DYNC1I2: variants seen among roughly 807,000 people sequenced by gnomAD.
The protein encoded by DYNC1I2 is dynein cytoplasmic 1 intermediate chain 2.
DYNC1I2 carries 53 observed loss-of-function variants against 88.6 expected under a neutral mutation model. That is an observed-to-expected ratio of 0.60 (90% CI 0.48 to 0.75). DYNC1I2 has a LOEUF of 0.75. Among genes scored for constraint, DYNC1I2 ranks in the 30% least tolerant of loss-of-function variants. The probability of loss-of-function intolerance (pLI) is 0.00; values close to 1 mark genes in which losing one functional copy is unlikely to be tolerated. For missense variants in DYNC1I2, 458 were observed against 766.6 expected, an observed-to-expected ratio of 0.60 and a Z score of 4.75; for synonymous variants, 198 against 254.6, an observed-to-expected ratio of 0.78 and a Z score of 2.12.
At chr2:171,729,165 T>A (rs1688443835) in intron 14 of DYNC1I2, among the ~76,000 whole-genome samples, 1 of 152,174 alleles carries the variant, frequency 6.6e-6, no homozygotes, top group South Asian at 2.1e-4. Context: ...GACTTATAAA[T>A]GAGATTTTCA....
Position 171,692,909 on chromosome 2 carries a change from A to G in DYNC1I2, c.226+15A>G. Reference sequence around the variant, plus strand: ...ATCCCCCATTGGTAAGGTTAAGAATATATCCATTTATAAGAGATAGGCATA... The same window carrying G: ...ATCCCCCATTGGTAAGGTTAAGAATGTATCCATTTATAAGAGATAGGCATA... On this transcript the variant is annotated intron_variant, in intron 3 of 17. Transcript: ENST00000397119. The G allele has an allele frequency of 2.6e-6, 4 of 1,531,418 alleles. No homozygotes were observed. The highest frequency in any genetic ancestry group is 3.6e-6 in the Non-Finnish European group (4 of 1,120,334). 94.9% of individuals were successfully genotyped at this position (1,531,418 alleles called of 1,614,324 possible).
chr2:171,714,891 G>A (rs1039424749), intron 6 of DYNC1I2, among the ~76,000 whole-genome samples: 3 of 151,974 alleles, frequency 2.0e-5, no homozygotes, highest in African/African-American at 4.8e-5. Flanking sequence ...TTTTTCAGTC[G>A]TAAAGCTGAA....
At chr2:171,731,485 G>T (rs1688607442) in intron 15 of DYNC1I2, among the ~76,000 whole-genome samples, 1 of 152,170 alleles carries the variant, frequency 6.6e-6, no homozygotes, top group Non-Finnish European at 1.5e-5. Context: ...GGGCTCAGTG[G>T]CTCACTCCTG....
At chr2:171,693,927 G>A (rs1027696355) in intron 3 of DYNC1I2, among the ~76,000 whole-genome samples, 1 of 151,748 alleles carries the variant, frequency 6.6e-6, no homozygotes, top group African/African-American at 2.4e-5. Context: ...CTTTGTTTGA[G>A]TTACCTTTTT....
chr2:171,723,739 G>C (rs1227411300), intron 7 of DYNC1I2, among the ~76,000 whole-genome samples: 1 of 152,196 alleles, frequency 6.6e-6, no homozygotes, highest in Non-Finnish European at 1.5e-5. Context: ...ATGTGCAAGA[G>C]AGTGGCGATC....
At chr2:171,742,347 A>AT (rs1689497855) in intron 15 of DYNC1I2, among the ~76,000 whole-genome samples, 2 of 151,790 alleles carry the variant, frequency 1.3e-5, no homozygotes, top group South Asian at 4.2e-4. Context: ...TAATTTTTGT[A>AT]TTTTTTGTGG....
At chr2:171,729,209 G>A (rs1559396277) in intron 14 of DYNC1I2, among the ~76,000 whole-genome samples, 1 of 152,024 alleles carries the variant, frequency 6.6e-6, no homozygotes, top group Non-Finnish European at 1.5e-5. Context: ...TGGACTTTAA[G>A]CATTAGTTCA....
chr2:171,742,209 A>G (rs1689489339), intron 15 of DYNC1I2, among the ~76,000 whole-genome samples: 5 of 151,990 alleles, frequency 3.3e-5, no homozygotes, highest in Admixed American at 3.3e-4. Flanking sequence ...TCTCACTCCC[A>G]TCGCCTAGGC....
intron 7 of DYNC1I2, among the ~76,000 whole-genome samples, chr2:171,721,026 C>T (rs963729431): frequency 6.7e-6 from 1 of 149,208 alleles, no homozygotes; most frequent in African/African-American, 2.5e-5. Context: ...GTGGTGTGCA[C>T]CTGTAGTCCC....
intron 16 of DYNC1I2, among the ~76,000 whole-genome samples, chr2:171,744,463 A>G (rs747608051): frequency 1.1e-4 from 16 of 152,236 alleles, no homozygotes; most frequent in South Asian, 2.1e-4. Flanking sequence ...AGTCTCATTC[A>G]TAAGATAACT....
intron 15 of DYNC1I2, among the ~76,000 whole-genome samples, chr2:171,739,513 T>C (rs1025163278): frequency 2.0e-5 from 3 of 152,088 alleles, no homozygotes; most frequent in Non-Finnish European, 4.4e-5. Flanking sequence ...ATATTCATTA[T>C]GTATTTCTAA....
chr2:171,705,916 G>T (rs1686645670), intron 3 of DYNC1I2, among the ~76,000 whole-genome samples: 1 of 151,748 alleles, frequency 6.6e-6, no homozygotes, highest in Non-Finnish European at 1.5e-5. Context: ...TATTCTAGTT[G>T]TGATTTTTTT....
intron 15 of DYNC1I2, among the ~76,000 whole-genome samples, chr2:171,739,277 G>A (rs1199892808): frequency 6.6e-6 from 1 of 151,878 alleles, no homozygotes; most frequent in Non-Finnish European, 1.5e-5. Context: ...AAACATTTTG[G>A]CTATTAAAAT....
In DYNC1I2 at chr2:171,747,914, G is replaced by A; in HGVS notation, c.*25G>A. The A allele has an allele frequency of 6.7e-7, 1 of 1,501,786 alleles. No individual in the cohort carries two copies. Among genetic ancestry groups the A allele is most frequent in the South Asian group, 1.1e-5 (1 of 86,990 alleles). The allele number at this position is 1,501,786 out of a possible 1,614,324, so 93.0% of individuals were successfully genotyped here. On this transcript the variant is annotated 3_prime_UTR_variant, in exon 18 of 18. Coordinates refer to ENST00000397119, the MANE Select transcript of DYNC1I2 (RefSeq NM_001378.3). ...GTTCCTGAAAAGGGGAGTGTAACTA[G>A]TGGATTTGGGAAAGGTTCTTAAGTA...
At chr2:171,737,486 C>T (rs1255637593) in intron 15 of DYNC1I2, among the ~76,000 whole-genome samples, 1 of 152,144 alleles carries the variant, frequency 6.6e-6, no homozygotes, top group South Asian at 2.1e-4. Flanking sequence ...GGGGTGATCT[C>T]GGTTCATTGC....
intron 15 of DYNC1I2, among the ~76,000 whole-genome samples, chr2:171,731,866 A>G (rs1398611739): frequency 1.3e-5 from 2 of 152,238 alleles, no homozygotes; most frequent in Non-Finnish European, 1.5e-5. Flanking sequence ...TGTAAGATAC[A>G]TAGTAATCAT....
At chr2:171,726,658 G>A in intron 10 of DYNC1I2, 133 bp from the exon 11 acceptor site, 1 of 996,946 alleles carries the variant, frequency 1.0e-6, no homozygotes. Context: ...CATAATGCTA[G>A]AGATGTCTCT....
At chr2:171,739,103 T>G (rs369757708) in intron 15 of DYNC1I2, among the ~76,000 whole-genome samples, 6 of 119,932 alleles carry the variant, frequency 5.0e-5, no homozygotes, top group South Asian at 2.3e-4. Context: ...GCAACAAGAG[T>G]GAAAAAAAAA....
At chr2:171,741,387 T>C (rs1325192685) in intron 15 of DYNC1I2, among the ~76,000 whole-genome samples, 6 of 152,176 alleles carry the variant, frequency 3.9e-5, no homozygotes, top group African/African-American at 1.4e-4. Context: ...CATTTTACAT[T>C]CCCCAGCAAG....
Sources: gnomAD v4.1 joint callset for allele counts (sites outside exome capture counted in the v4.1 genomes callset) on GRCh38, gnomAD v4.1.1 for gene constraint, MANE v1.5 for transcripts, NCBI Gene and HGNC (gene_info 2026-07-23, HGNC 2026-07-21) for gene names.